The following SMOC2 variants were observed in gnomAD, a reference collection of about 807,000 sequenced individuals.
SMOC2 encodes SPARC-related modular calcium-binding protein 2.
SMOC2 carries 39 observed loss-of-function variants against 61.4 expected under a neutral mutation model. The observed-to-expected ratio is 0.64, with a 90% CI of 0.49 to 0.83. The LOEUF is 0.83. Ranked by LOEUF, SMOC2 falls within the 40% of genes least tolerant of loss-of-function variation. The pLI is 0.00. For missense variants in SMOC2, 556 were observed against 592.9 expected (o/e 0.94, Z 0.65); for synonymous variants, 247 against 239.9 (o/e 1.03, Z -0.27).
At chr6:168,559,253 C>T (rs368569611) in intron 7 of SMOC2, among the ~76,000 whole-genome samples, 9 of 151,918 alleles carry the variant, frequency 5.9e-5, no homozygotes, top group African/African-American at 1.2e-4. Context: ...GTCAGGAGTT[C>T]GAGACCAGCC....
intron 1 of SMOC2, among the ~76,000 whole-genome samples, chr6:168,443,516 C>T (rs1020241052): frequency 4.6e-5 from 7 of 152,138 alleles, no homozygotes; most frequent in Admixed American, 1.3e-4. Context: ...ATCAGTATCC[C>T]GAAGAAAAGA....
intron 7 of SMOC2, among the ~76,000 whole-genome samples, chr6:168,581,513 T>C (rs1393469441): frequency 6.6e-6 from 1 of 152,244 alleles, no homozygotes; most frequent in Non-Finnish European, 1.5e-5. Flanking sequence ...TGAGAATCGC[T>C]GCCCTAGTCA....
At chr6:168,477,613 G>T (rs989806079) in intron 1 of SMOC2, among the ~76,000 whole-genome samples, 1 of 152,222 alleles carries the variant, frequency 6.6e-6, no homozygotes, top group African/African-American at 2.4e-5. Flanking sequence ...GAGCAAGAGA[G>T]ATGTGTGATG....
chr6:168,519,152 C>T (rs532635704), intron 2 of SMOC2, among the ~76,000 whole-genome samples: 42 of 131,696 alleles, frequency 3.2e-4, no homozygotes, highest in South Asian at 5.2e-4. Flanking sequence ...TGTGAGCATG[C>T]GTGTGTGTAT....
intron 7 of SMOC2, among the ~76,000 whole-genome samples, chr6:168,550,368 G>A (rs1448126400): frequency 6.6e-6 from 1 of 152,108 alleles, no homozygotes; most frequent in Non-Finnish European, 1.5e-5. Context: ...TTAAAGTTCA[G>A]GAGACTAAGA....
chr6:168,562,468 C>A (rs868276130), intron 7 of SMOC2, among the ~76,000 whole-genome samples: 6 of 150,770 alleles, frequency 4.0e-5, no homozygotes, highest in East Asian at 2.0e-4. Flanking sequence ...TGTCATTTTC[C>A]TGCCCTGAGA....
intron 1 of SMOC2, among the ~76,000 whole-genome samples, chr6:168,494,753 G>T (rs1056326635): frequency 6.6e-6 from 1 of 152,154 alleles, no homozygotes; most frequent in African/African-American, 2.4e-5. Flanking sequence ...GTGAACCCTC[G>T]GCTGGAGCAG....
intron 2 of SMOC2, among the ~76,000 whole-genome samples, chr6:168,522,604 C>T (rs1042065985): frequency 2.6e-5 from 4 of 152,148 alleles, no homozygotes; most frequent in African/African-American, 9.7e-5. Flanking sequence ...AAGGATACCT[C>T]GTGTATGATT....
intron 9 of SMOC2, among the ~76,000 whole-genome samples, chr6:168,629,628 CT>C (rs1056392194): frequency 6.6e-6 from 1 of 152,188 alleles, no homozygotes; most frequent in African/African-American, 2.4e-5. Flanking sequence ...TAAAAACACC[CT>C]CCTCAAGTAC....
At chr6:168,580,404 C>T (rs951941511) in intron 7 of SMOC2, among the ~76,000 whole-genome samples, 9 of 152,194 alleles carry the variant, frequency 5.9e-5, no homozygotes, top group Non-Finnish European at 1.3e-4. Flanking sequence ...GCAGGGGTGC[C>T]GTTTTAGGGA....
intron 1 of SMOC2, among the ~76,000 whole-genome samples, chr6:168,469,693 A>C (rs930966171): frequency 2.0e-5 from 3 of 152,202 alleles, no homozygotes; most frequent in Non-Finnish European, 4.4e-5. Context: ...CCACATGGCC[A>C]GCAGAGCTGG....
intron 1 of SMOC2, among the ~76,000 whole-genome samples, chr6:168,459,541 AGGGTGGGTGAGCCCTG>A (rs1327198708): frequency 6.6e-4 from 74 of 112,224 alleles, no homozygotes; most frequent in African/African-American, 1.9e-3. Context: ...CTAGAGCCCC[AGGGTGGGTGAGCCCTG>A]GGGTGGGTGA....
At chr6:168,501,828 A>C (rs1782737432) in intron 1 of SMOC2, among the ~76,000 whole-genome samples, 2 of 152,124 alleles carry the variant, frequency 1.3e-5, no homozygotes, top group South Asian at 4.1e-4. Context: ...TTCCCCACAG[A>C]AGGTGGGAGC....
At chr6:168,664,549 T>C (rs891245878) in intron 12 of SMOC2, 2 of 383,500 alleles carry the variant, frequency 5.2e-6, no homozygotes, top group African/African-American at 2.1e-5. Flanking sequence ...TGTTTGTAAT[T>C]TGGTTCCTCC....
chr6:168,607,738 C>G (rs890758858), intron 8 of SMOC2, among the ~76,000 whole-genome samples: 1 of 152,184 alleles, frequency 6.6e-6, no homozygotes, highest in East Asian at 1.9e-4. Context: ...CCTCTGTCCT[C>G]GTGCACACAC....
Position 168,549,194 on chromosome 6 carries a change from A to G in SMOC2, c.628A>G (p.Lys210Glu). The part of the protein sequence containing the change: ...QVKSRQNKTN[K>E]NSVSSCDQEH... ...TAAAAGTCGGCAGAACAAAACCAATAAGAATTCAGGTAAGATGCTGCCTGA... is the reference window on the plus strand; with the variant it reads ...TAAAAGTCGGCAGAACAAAACCAATGAGAATTCAGGTAAGATGCTGCCTGA... Residue 210 changes from lysine (K) to glutamate (E), a missense_variant, in exon 7 of 13, where the codon AAG (lysine) becomes GAG (glutamate). Physicochemically the swap from Lys to Glu is moderately conservative, Grantham distance 56 (BLOSUM62 1). Coordinates refer to ENST00000356284, the MANE Select transcript of SMOC2 (RefSeq NM_001166412.2). The G allele has an allele frequency of 1.2e-6, 2 of 1,614,034 alleles. No individual in the cohort carries two copies. Among genetic ancestry groups the G allele is most frequent in the East Asian group, 2.2e-5 (1 of 44,872 alleles).
intron 8 of SMOC2, among the ~76,000 whole-genome samples, chr6:168,599,581 A>ACACACACCCACACACACAAACCCC (rs138811685): frequency 3.2e-5 from 1 of 31,654 alleles, no homozygotes; most frequent in Non-Finnish European, 4.9e-5. Context: ...CACTCATACC[A>ACACACACCCACACACACAAACCCC]CACACACCCA....
chr6:168,520,985 A>G (rs1783316252), intron 2 of SMOC2, among the ~76,000 whole-genome samples: 1 of 151,850 alleles, frequency 6.6e-6, no homozygotes, highest in South Asian at 2.1e-4. Flanking sequence ...CAGCAAAGCA[A>G]TCTCTGCTGA....
chr6:168,602,827 C>T (rs1583151157), intron 8 of SMOC2, among the ~76,000 whole-genome samples: 1 of 152,084 alleles, frequency 6.6e-6, no homozygotes, highest in Non-Finnish European at 1.5e-5. Context: ...TCTCTAGGGC[C>T]GAGATGCTGG....
Sources: allele counts gnomAD v4.1 joint callset (sites outside exome capture counted in the v4.1 genomes callset), GRCh38; gene constraint gnomAD v4.1.1; transcripts MANE v1.5; gene names NCBI Gene and HGNC (gene_info 2026-07-23, HGNC 2026-07-21).